Variants in PRKG1 observed in about 807,000 individuals in gnomAD.
The protein encoded by PRKG1 is cGMP-dependent protein kinase 1.
In PRKG1, 35 loss-of-function variants were observed where a neutral mutation model predicts 88.1. The observed-to-expected ratio is 0.40, with a 90% confidence interval of 0.30 to 0.53. The LOEUF is 0.53. Among genes scored for constraint, PRKG1 ranks in the 20% least tolerant of loss-of-function variants. The pLI is 0.59. For synonymous variants in PRKG1, 303 were observed against 292.5 expected, an observed-to-expected ratio of 1.04 and a Z score of -0.37; for missense variants, 540 against 839.8, an observed-to-expected ratio of 0.64 and a Z score of 4.41.
At chr10:51,244,152 TA>T (rs1839225776) in intron 2 of PRKG1, among the ~76,000 whole-genome samples, 1 of 152,164 alleles carries the variant, frequency 6.6e-6, no homozygotes, top group African/African-American at 2.4e-5. Context: ...ATAAATATTT[TA>T]AAAATATATC....
chr10:51,299,745 A>T (rs186458394), intron 2 of PRKG1: 2 of 384,160 alleles, frequency 5.2e-6, no homozygotes, highest in East Asian at 2.3e-4. Context: ...TCTCAATGAC[A>T]TTATAAGCTT....
At chr10:51,223,050 A>C (rs1209068269) in intron 2 of PRKG1, among the ~76,000 whole-genome samples, 2 of 152,004 alleles carry the variant, frequency 1.3e-5, no homozygotes, top group African/African-American at 4.8e-5. Context: ...GGCACTTAAA[A>C]TCTACTCACT....
intron 1 of PRKG1, among the ~76,000 whole-genome samples, chr10:51,021,426 T>C (rs1254966248): frequency 6.6e-6 from 1 of 152,226 alleles, no homozygotes; most frequent in Non-Finnish European, 1.5e-5. Flanking sequence ...TAGAACTTGC[T>C]ACCAAATCTA....
intron 3 of PRKG1, among the ~76,000 whole-genome samples, chr10:51,649,421 T>A (rs907883510): frequency 6.6e-6 from 1 of 152,152 alleles, no homozygotes; most frequent in African/African-American, 2.4e-5. Flanking sequence ...CCCCAAAGTA[T>A]CTTTATAATC....
In PRKG1 at chr10:52,010,650, C is replaced by A. The variant is rs76507940; in HGVS notation, c.763-43834C>A. 5.6e-3 allele frequency among the ~76,000 whole-genome samples: 847 copies of A among 152,216 alleles called. 16 individuals are homozygous for A. The highest frequency in any genetic ancestry group is 0.02 in the African/African-American group (811 of 41,530). On this transcript the variant is annotated intron_variant, in intron 5 of 17. Coordinates refer to ENST00000373980, the MANE Select transcript of PRKG1 (RefSeq NM_006258.4). ...TATTTAAAAAAAGAACCTGCAGAAG[C>A]AGATGGAAGACCTCAAATAATCCAG...
At chr10:52,027,541 G>T (rs941215896) in intron 5 of PRKG1, among the ~76,000 whole-genome samples, 2 of 152,076 alleles carry the variant, frequency 1.3e-5, no homozygotes, top group Non-Finnish European at 1.5e-5. Flanking sequence ...ACAATCCAGA[G>T]AATTACATCT....
chr10:51,119,615 A>G lies in PRKG1; in HGVS notation c.312-33549A>G, dbSNP rs373709718. 1.8e-3 allele frequency among the ~76,000 whole-genome samples: 268 copies of G among 152,106 alleles called. 2 individuals carry two copies. The highest frequency in any genetic ancestry group is 6.2e-3 in the African/African-American group (257 of 41,558). On this transcript the variant is annotated intron_variant, in intron 1 of 17. Transcript: ENST00000373980. The stretch of plus-strand genomic sequence containing the variant: ...ATGACCCTGTTCATTTCCTGTTTTG[A>G]TTTTGGACATAATTCCAACACTAAC...
At chr10:51,698,717 C>CCAGG in intron 3 of PRKG1, 1 of 1,614,208 alleles carries the variant, frequency 6.2e-7, no homozygotes, top group Non-Finnish European at 8.5e-7. Context: ...AGTTAAGGAA[C>CCAGG]CAGGACCAGC....
Position 52,271,364 on chromosome 10 carries a change from T to G in PRKG1, c.1188T>G (p.Ser396Arg). ...CTTTCTTTAAGGTCCAGTTGAAAAGTGAAGAATCCAAAACGTTTGCAATGA... is the reference window on the plus strand; with the variant it reads ...CTTTCTTTAAGGTCCAGTTGAAAAGGGAAGAATCCAAAACGTTTGCAATGA... ...FGRVELVQLK[S>R]EESKTFAMKI... The change falls in exon 11 of 18, where the codon AGT becomes AGG. Residue 396 changes from serine to arginine, a missense_variant. Around this residue, in one of 5 missense-constraint regions of PRKG1, gnomAD observed 400 missense variants for 562.7 expected, o/e 0.71. Coordinates refer to ENST00000373980, the MANE Select transcript of PRKG1 (RefSeq NM_006258.4). 1 of 1,612,496 alleles carries G rather than the reference T, an allele frequency of 6.2e-7. No homozygotes were observed. Among genetic ancestry groups the G allele is most frequent in the Non-Finnish European group, 8.5e-7 (1 of 1,179,018 alleles).
intron 4 of PRKG1, among the ~76,000 whole-genome samples, chr10:51,809,077 GTTTTTC>G: frequency 1.3e-5 from 2 of 152,230 alleles, no homozygotes; most frequent in East Asian, 3.9e-4. Flanking sequence ...ACAGGCAAGA[GTTTTTC>G]TTTATTGTCA....
chr10:51,917,067 C>T (rs1842357363), intron 5 of PRKG1, among the ~76,000 whole-genome samples: 1 of 152,010 alleles, frequency 6.6e-6, no homozygotes, highest in Admixed American at 6.5e-5. Flanking sequence ...CTTATAATCC[C>T]AGCACTTCGG....
intron 2 of PRKG1, among the ~76,000 whole-genome samples, chr10:51,186,242 A>T (rs890101350): frequency 1.3e-5 from 2 of 150,958 alleles, no homozygotes; most frequent in Admixed American, 6.6e-5. Flanking sequence ...TTTCTCTCTT[A>T]TGCTTCCCAA....
intron 1 of PRKG1, among the ~76,000 whole-genome samples, chr10:51,108,932 T>A (rs1226649878): frequency 6.6e-6 from 1 of 152,110 alleles, no homozygotes; most frequent in Non-Finnish European, 1.5e-5. Context: ...GGATACTACA[T>A]CAATATGCAA....
At chr10:51,039,454 GT>G (rs1300503832) in intron 1 of PRKG1, among the ~76,000 whole-genome samples, 3 of 152,080 alleles carry the variant, frequency 2.0e-5, no homozygotes, top group Admixed American at 2.0e-4. Flanking sequence ...CTACACAGTT[GT>G]TTGAGCTCCT....
chr10:51,758,282 T>C (rs1372840272), intron 3 of PRKG1, among the ~76,000 whole-genome samples: 1 of 152,298 alleles, frequency 6.6e-6, no homozygotes, highest in South Asian at 2.1e-4. Context: ...TGTATAAATC[T>C]TTAAAAAAAT....
At chr10:52,259,371 A>C (rs1355108794) in intron 10 of PRKG1, among the ~76,000 whole-genome samples, 1 of 152,076 alleles carries the variant, frequency 6.6e-6, no homozygotes, top group Non-Finnish European at 1.5e-5. Flanking sequence ...GATTCCTTCC[A>C]TGAGAGGGAA....
At chr10:52,255,650 A>G (rs1382349649) in intron 10 of PRKG1, among the ~76,000 whole-genome samples, 2 of 151,984 alleles carry the variant, frequency 1.3e-5, no homozygotes, top group African/African-American at 4.8e-5. Flanking sequence ...CTCACAGTCT[A>G]CTGGGAGGGG....
At chr10:52,152,915 G>A (rs1285962958) in intron 8 of PRKG1, among the ~76,000 whole-genome samples, 2 of 152,152 alleles carry the variant, frequency 1.3e-5, no homozygotes, top group African/African-American at 4.8e-5. Context: ...TTTGGAAAGG[G>A]CCAGGACATT....
chr10:52,146,396 C>T (rs1302169042), intron 8 of PRKG1, among the ~76,000 whole-genome samples: 1 of 152,114 alleles, frequency 6.6e-6, no homozygotes, highest in Non-Finnish European at 1.5e-5. Context: ...AAATCACATA[C>T]ACACAGATAG....
Sources: gnomAD v4.1 joint callset for allele counts (sites outside exome capture counted in the v4.1 genomes callset) on GRCh38, gnomAD v4.1.1 for gene constraint, gnomAD v4.1.1 regional missense constraint, MANE v1.5 for transcripts, NCBI Gene and HGNC (gene_info 2026-07-23, HGNC 2026-07-21) for gene names.